Variants in PSD3 observed in about 807,000 individuals in gnomAD.
The protein encoded by PSD3 is PH and SEC7 domain-containing protein 3.
Under a neutral mutation model 105.5 loss-of-function variants are expected in PSD3, and 49 were observed. That is an observed-to-expected ratio of 0.46 (90% CI 0.37 to 0.59). PSD3 has a LOEUF of 0.59. Among genes scored for constraint, PSD3 ranks in the 20% least tolerant of loss-of-function variants. The probability of loss-of-function intolerance (pLI) is 0.00; values close to 1 mark genes in which losing one functional copy is unlikely to be tolerated. For synonymous variants in PSD3, 557 were observed against 457.8 expected (o/e 1.22, Z -2.77); for missense variants, 1,561 against 1,263.8 (o/e 1.24, Z -3.57).
chr8:18,792,096 A>T (rs1374800385), intron 8 of PSD3, among the ~76,000 whole-genome samples: 1 of 152,212 alleles, frequency 6.6e-6, no homozygotes, highest in Non-Finnish European at 1.5e-5. Context: ...AAGAAAAAGG[A>T]ATGCTTTTAC....
intron 9 of PSD3, among the ~76,000 whole-genome samples, chr8:18,666,874 G>T (rs1034786076): frequency 6.6e-6 from 1 of 152,164 alleles, no homozygotes; most frequent in Non-Finnish European, 1.5e-5. Context: ...AGATTGGAAT[G>T]CTATTGTGTC....
chr8:18,656,997 T>G (rs922829607), intron 9 of PSD3, among the ~76,000 whole-genome samples: 1 of 152,208 alleles, frequency 6.6e-6, no homozygotes, highest in Non-Finnish European at 1.5e-5. Flanking sequence ...ATAACAATAT[T>G]ATGATGATGT....
At chr8:19,076,834 G>A (rs1027362751) in intron 1 of PSD3, among the ~76,000 whole-genome samples, 8 of 152,010 alleles carry the variant, frequency 5.3e-5, no homozygotes, top group South Asian at 2.1e-4. Flanking sequence ...TACAGCTACT[G>A]GTGCGACTCT....
intron 2 of PSD3, among the ~76,000 whole-genome samples, chr8:18,918,517 T>C (rs1563419626): frequency 2.0e-5 from 3 of 152,220 alleles, no homozygotes; most frequent in African/African-American, 4.8e-5. Context: ...GCCCAGCAAC[T>C]ACAGGTATTC....
At chr8:18,707,327 A>G (rs1486055342) in intron 9 of PSD3, among the ~76,000 whole-genome samples, 1 of 152,168 alleles carries the variant, frequency 6.6e-6, no homozygotes. Flanking sequence ...CAGCTCCTTG[A>G]AGTTTTCTAT....
intron 2 of PSD3, among the ~76,000 whole-genome samples, chr8:18,932,464 T>C (rs1170800037): frequency 6.6e-6 from 1 of 152,218 alleles, no homozygotes; most frequent in Non-Finnish European, 1.5e-5. Flanking sequence ...GAATAACCCA[T>C]GAAGATACCT....
chr8:18,739,813 A>C (rs1804420796), intron 9 of PSD3, among the ~76,000 whole-genome samples: 1 of 152,218 alleles, frequency 6.6e-6, no homozygotes, highest in Non-Finnish European at 1.5e-5. Context: ...AGAACATTTG[A>C]AATTGACCTG....
intron 4 of PSD3, among the ~76,000 whole-genome samples, chr8:18,845,178 T>C (rs181937473): frequency 2.6e-5 from 4 of 152,322 alleles, no homozygotes; most frequent in Admixed American, 1.3e-4. Flanking sequence ...ACCATTCTGA[T>C]TTGAGATTCT....
chr8:18,588,167 G>C (rs577794304), intron 12 of PSD3, among the ~76,000 whole-genome samples: 66 of 152,298 alleles, frequency 4.3e-4, no homozygotes, highest in African/African-American at 1.6e-3. Context: ...CTAAGAGGGA[G>C]TGGCATTTCC....
chr8:18,777,372 T>C (rs1585944055), intron 8 of PSD3, among the ~76,000 whole-genome samples: 1 of 152,186 alleles, frequency 6.6e-6, no homozygotes, highest in African/African-American at 2.4e-5. Flanking sequence ...AACCCAACTT[T>C]TCATTTCTGT....
At chr8:19,078,422 C>A (rs1829528150) in intron 1 of PSD3, among the ~76,000 whole-genome samples, 1 of 152,040 alleles carries the variant, frequency 6.6e-6, no homozygotes, top group Non-Finnish European at 1.5e-5. Context: ...ATAATTTAAT[C>A]TCAAAATGTT....
At chr8:18,982,400 T>C (rs997733604) in intron 1 of PSD3, among the ~76,000 whole-genome samples, 1 of 152,216 alleles carries the variant, frequency 6.6e-6, no homozygotes, top group Admixed American at 6.5e-5. Context: ...AGTATTTTGA[T>C]GTCCTCCAAT....
chr8:18,792,974 C>T lies in PSD3; in HGVS notation c.2082+6321G>A, dbSNP rs571569584. Among the ~76,000 whole-genome samples the T allele has an allele frequency of 1.8e-4, 27 of 152,292 alleles. No homozygotes were observed. The East Asian group carries it at 4.3e-3, about 24-fold the overall frequency. On this transcript the variant is annotated intron_variant, in intron 8 of 15. Coordinates refer to ENST00000327040, the MANE Select transcript of PSD3 (RefSeq NM_015310.4). ...GGATTAAGAAAATGTGGCACATATA[C>T]ACCATGGAATACTATGCAGCCATAA...
At chr8:18,559,389 A>T (rs1049711336) in intron 14 of PSD3, among the ~76,000 whole-genome samples, 1 of 152,150 alleles carries the variant, frequency 6.6e-6, no homozygotes, top group African/African-American at 2.4e-5. Flanking sequence ...TTTTGTTCAT[A>T]GGTTTACTGG....
At chr8:18,638,997 T>C (rs879310858) in intron 10 of PSD3, among the ~76,000 whole-genome samples, 4 of 152,210 alleles carry the variant, frequency 2.6e-5, no homozygotes, top group Non-Finnish European at 5.9e-5. Context: ...ACCACTGCCC[T>C]TCCGTGGCTT....
At chr8:18,897,053 C>A (rs1819199108) in intron 2 of PSD3, among the ~76,000 whole-genome samples, 1 of 152,078 alleles carries the variant, frequency 6.6e-6, no homozygotes, top group Admixed American at 6.5e-5. Context: ...GTGATCCGCC[C>A]ACCTGAGCCT....
intron 12 of PSD3, among the ~76,000 whole-genome samples, chr8:18,575,654 G>A (rs1439366173): frequency 2.0e-5 from 3 of 152,132 alleles, no homozygotes; most frequent in Admixed American, 6.5e-5. Context: ...TTGGTTTCAG[G>A]ATTAAATGGT....
chr8:18,535,924 T>G lies in PSD3; in HGVS notation c.2963A>C (p.Lys988Thr). 1 of 1,614,176 alleles carries G rather than the reference T, an allele frequency of 6.2e-7. No individual in the cohort carries two copies. The highest frequency in any genetic ancestry group is 8.5e-7 in the Non-Finnish European group (1 of 1,180,028). The change falls in exon 16 of 16, where the codon AAG becomes ACG. Residue 988 changes from lysine (K) to threonine (T), a missense_variant. Transcript: ENST00000327040. ...ACTCAGTAGCTCTTTGCCTCCTTCCTTGAGAATGCTGACATACATTTCATA... is the reference window on the plus strand; with the variant it reads ...ACTCAGTAGCTCTTTGCCTCCTTCCGTGAGAATGCTGACATACATTTCATA... ...TRYEMYVSIL[K>T]EGGKELLSND...
chr8:18,754,218 T>C (rs931522218), intron 9 of PSD3, among the ~76,000 whole-genome samples: 1 of 152,074 alleles, frequency 6.6e-6, no homozygotes, highest in African/African-American at 2.4e-5. Flanking sequence ...ACCCTGTCTC[T>C]ACTAAAAATA....
Sources: allele counts gnomAD v4.1 joint callset (sites outside exome capture counted in the v4.1 genomes callset), GRCh38; gene constraint gnomAD v4.1.1; transcripts MANE v1.5; gene names NCBI Gene and HGNC (gene_info 2026-07-23, HGNC 2026-07-21).